Variants in CCDC122 observed in about 807,000 individuals in gnomAD.
The protein encoded by CCDC122 is coiled-coil domain containing 122, also known as coiled-coil domain-containing protein 122.
A neutral mutation model predicts 37.0 loss-of-function variants in CCDC122; 38 were observed. The ratio of observed to expected loss-of-function variants is 1.03; its 90% CI spans 0.79 to 1.35. The LOEUF (loss-of-function observed/expected upper bound fraction) is 1.35. CCDC122 is among the 40% of genes most tolerant of loss of function. The pLI is 0.00. For missense variants in CCDC122, 305 were observed against 310.0 expected, an observed-to-expected ratio of 0.98 and a Z score of 0.12; for synonymous variants, 83 against 95.6, an observed-to-expected ratio of 0.87 and a Z score of 0.77.
chr13:43,859,967 T>C lies in CCDC122; in HGVS notation c.260A>G (p.Lys87Arg), dbSNP rs747854273. Reference protein sequence around the residue: ...YQQDSAIENTKLHCDSLETQI... With the variant: ...YQQDSAIENTRLHCDSLETQI... ...AGTTTCCAGGCTATCACAATGAAGTTTGGTATTCTCTATGGCAGAATCTTG... is the reference window on the plus strand; with the variant it reads ...AGTTTCCAGGCTATCACAATGAAGTCTGGTATTCTCTATGGCAGAATCTTG... Residue 87 changes from lysine to arginine, a missense_variant, in exon 5 of 7, where the codon AAA becomes AGA. Physicochemically the swap from Lys to Arg is conservative, Grantham distance 26. Coordinates refer to ENST00000444614, the MANE Select transcript of CCDC122 (RefSeq NM_144974.5). The C allele has an allele frequency of 3.1e-6, 5 of 1,610,674 alleles. No individual in the cohort carries two copies. The highest frequency in any genetic ancestry group is 1.3e-5 in the African/African-American group (1 of 74,844).
At chr13:43,850,955 A>C (rs546250844) in intron 6 of CCDC122, among the ~76,000 whole-genome samples, 13 of 152,326 alleles carry the variant, frequency 8.5e-5, no homozygotes, top group African/African-American at 2.6e-4. Context: ...TGAAGACACC[A>C]AGAAAGAAAT....
chr13:43,839,692 A>C (rs1410734054), intron 6 of CCDC122, among the ~76,000 whole-genome samples: 1 of 152,188 alleles, frequency 6.6e-6, no homozygotes, highest in Non-Finnish European at 1.5e-5. Flanking sequence ...CGACTGTATA[A>C]TTTTACATTC....
intron 3 of CCDC122, among the ~76,000 whole-genome samples, chr13:43,827,588 G>A (rs1169614609): frequency 6.6e-6 from 1 of 152,156 alleles, no homozygotes; most frequent in African/African-American, 2.4e-5. Flanking sequence ...GCTTGCGTGG[G>A]TCCACTTATA....
intron 2 of CCDC122, among the ~76,000 whole-genome samples, chr13:43,872,216 C>T (rs1052408169): frequency 3.9e-5 from 6 of 152,050 alleles, no homozygotes; most frequent in East Asian, 3.9e-4. Flanking sequence ...TTACACATTC[C>T]CTTAGCCCTT....
At chr13:43,834,305 A>G (rs1953119034), downstream of CCDC122, among the ~76,000 whole-genome samples, 2 of 152,222 alleles carry the variant, frequency 1.3e-5, no homozygotes, top group Non-Finnish European at 2.9e-5. Context: ...TACAAAAACT[A>G]ATTCAAGATG....
Position 43,860,279 on chromosome 13 carries a change from T to C in CCDC122, c.157-209A>G, listed in dbSNP as rs143052026. ...ACCTCAGTTATATATTTTTTAATGT[T>C]CATCTAATTCTAAATATTAAAATCT... On this transcript the variant is annotated intron_variant, in intron 4 of 6. Coordinates refer to ENST00000444614, the MANE Select transcript of CCDC122 (RefSeq NM_144974.5). Among the ~76,000 whole-genome samples the C allele has an allele frequency of 8.3e-3, 1,267 of 152,194 alleles. 13 individuals are homozygous for C. The highest frequency in any genetic ancestry group is 0.027 in the African/African-American group (1,126 of 41,542).
intron 6 of CCDC122, among the ~76,000 whole-genome samples, chr13:43,843,131 T>G (rs1410056608): frequency 2.0e-5 from 3 of 152,066 alleles, no homozygotes; most frequent in Non-Finnish European, 4.4e-5. Flanking sequence ...ATTTCACCAG[T>G]AAGTATGATA....
intron 4 of CCDC122, among the ~76,000 whole-genome samples, chr13:43,860,934 T>G (rs1954082511): frequency 6.6e-6 from 1 of 152,222 alleles, no homozygotes; most frequent in African/African-American, 2.4e-5. Flanking sequence ...CAATTATCTG[T>G]TGCCAGAATC....
chr13:43,863,330 A>G (rs1020315606), intron 4 of CCDC122, among the ~76,000 whole-genome samples: 2 of 152,106 alleles, frequency 1.3e-5, no homozygotes, highest in Non-Finnish European at 2.9e-5. Context: ...AGATTCATCC[A>G]TGTTGTTGTA....
chr13:43,865,755 G>A (rs923032878), intron 4 of CCDC122, among the ~76,000 whole-genome samples: 30 of 152,048 alleles, frequency 2.0e-4, no homozygotes, highest in Non-Finnish European at 3.5e-4. Flanking sequence ...GAGCCACCAC[G>A]CCCAGCCAGG....
intron 3 of CCDC122, among the ~76,000 whole-genome samples, chr13:43,825,769 CAAAA>C (rs58173578): frequency 1.4e-5 from 1 of 73,528 alleles, no homozygotes; most frequent in Admixed American, 1.5e-4. Context: ...GACTCCGTCT[CAAAA>C]AAAAAAAAAA....
chr13:43,852,176 A>C (rs961774862), intron 6 of CCDC122, among the ~76,000 whole-genome samples: 1 of 152,158 alleles, frequency 6.6e-6, no homozygotes, highest in Non-Finnish European at 1.5e-5. Flanking sequence ...GAATATGGGA[A>C]GGAAGGTCAT....
At chr13:43,827,691 A>T (rs1953052156) in intron 3 of CCDC122, among the ~76,000 whole-genome samples, 1 of 152,190 alleles carries the variant, frequency 6.6e-6, no homozygotes, top group South Asian at 2.1e-4. Flanking sequence ...GCTATACAGA[A>T]GTTCTGCAGG....
At chr13:43,867,297 T>G (rs764616445) in intron 4 of CCDC122, among the ~76,000 whole-genome samples, 4 of 152,304 alleles carry the variant, frequency 2.6e-5, no homozygotes, top group Non-Finnish European at 4.4e-5. Flanking sequence ...CAAAACATAC[T>G]GTAATTTACA....
At chr13:43,868,577 T>A in intron 4 of CCDC122, 117 bp downstream of exon 4, 1 of 544,478 alleles carries the variant, frequency 1.8e-6, no homozygotes, top group Non-Finnish European at 3.0e-6. Flanking sequence ...GAGAACAGAA[T>A]AATTGACAGA....
chr13:43,873,315 A>G (rs893214755), intron 2 of CCDC122, among the ~76,000 whole-genome samples: 1 of 152,092 alleles, frequency 6.6e-6, no homozygotes, highest in Non-Finnish European at 1.5e-5. Context: ...CTCCATTTGG[A>G]TTTTTAATAG....
rs968728571 is a variant in CCDC122 at position 43,857,776 on chromosome 13, G to C, written c.672+1005C>G. On this transcript the variant is annotated intron_variant, in intron 6 of 6. Transcript: ENST00000444614. The stretch of plus-strand genomic sequence containing the variant: ...AAATTAGCTGGGCATTGTGGTACGT[G>C]CCTGTAATCCCAGTTATCTGGGAGG... Among the ~76,000 whole-genome samples, 28 of 151,974 alleles carry C rather than the reference G, an allele frequency of 1.8e-4. 1 individual carries two copies. Among genetic ancestry groups the C allele is most frequent in the Non-Finnish European group, 2.9e-5 (2 of 67,992 alleles).
intron 6 of CCDC122, among the ~76,000 whole-genome samples, chr13:43,838,902 T>C (rs879443338): frequency 6.6e-6 from 1 of 152,204 alleles, no homozygotes; most frequent in African/African-American, 2.4e-5. Flanking sequence ...AGCTCTTCCC[T>C]GGGTGAGAAT....
At position 43,836,632 on chromosome 13, in the gene CCDC122, T is replaced by C. The variant is rs1055886626; in HGVS notation, c.*648A>G. On this transcript the variant is annotated 3_prime_UTR_variant, in exon 7 of 7. Transcript: ENST00000444614. The stretch of plus-strand genomic sequence containing the variant: ...TTGGGAGGCCGAGGCGGGTGGATCA[T>C]GAGGTCAGGAGATCGAGACCATCCT... 2.0e-5 allele frequency: 3 copies of C among 150,678 alleles called. No homozygotes were observed. The highest frequency in any genetic ancestry group is 2.1e-4 in the South Asian group (1 of 4,776). The allele number at this position is 150,678 out of a possible 1,614,324, so 9.3% of individuals were successfully genotyped here.
Sources: allele counts gnomAD v4.1 joint callset (sites outside exome capture counted in the v4.1 genomes callset), GRCh38; gene constraint gnomAD v4.1.1; transcripts MANE v1.5; gene names NCBI Gene and HGNC (gene_info 2026-07-23, HGNC 2026-07-21).